The following HDAC7 variants were observed in gnomAD, a reference collection of about 807,000 sequenced individuals.
The protein encoded by HDAC7 is histone deacetylase 7A.
In HDAC7, 26 loss-of-function variants were observed where a neutral mutation model predicts 115.5. That is an observed-to-expected ratio of 0.23 (90% CI 0.16 to 0.31). The LOEUF is 0.31. HDAC7 is among the 10% of genes least tolerant of loss of function. The probability of loss-of-function intolerance (pLI) is 1.00; values close to 1 mark genes in which losing one functional copy is unlikely to be tolerated. For missense variants in HDAC7, 1,068 were observed against 1,329.0 expected (o/e 0.80, Z 3.05); for synonymous variants, 564 against 550.9 (o/e 1.02, Z -0.33).
chr12:47,802,361 C>G (rs1944209827), intron 1 of HDAC7, 87 bp from the exon 2 acceptor site: 5 of 1,535,044 alleles, frequency 3.3e-6, no homozygotes, highest in Non-Finnish European at 4.4e-6. Context: ...CAGGCCTGCT[C>G]CCTGCCACTC....
chr12:47,802,431 C>T (rs772442403), intron 1 of HDAC7, 157 bp from the exon 2 acceptor site: 71 of 1,547,646 alleles, frequency 4.6e-5, no homozygotes, highest in Non-Finnish European at 6.1e-5. Flanking sequence ...ACGAGAAGAC[C>T]CCACCCCATT....
intron 23 of HDAC7, 126 bp downstream of exon 23, chr12:47,785,626 G>A (rs570154637): frequency 7.9e-6 from 11 of 1,384,640 alleles, no homozygotes; most frequent in East Asian, 2.5e-5. Context: ...CTTCCGCTTC[G>A]CCTACCTTGT....
chr12:47,804,680 C>G (rs1436173124), intron 1 of HDAC7, among the ~76,000 whole-genome samples: 1 of 152,152 alleles, frequency 6.6e-6, no homozygotes, highest in East Asian at 1.9e-4. Flanking sequence ...GACTTAAGAA[C>G]AGTTTACTTG....
chr12:47,814,318 T>G (rs1207420956), intron 1 of HDAC7, among the ~76,000 whole-genome samples: 1 of 152,192 alleles, frequency 6.6e-6, no homozygotes, highest in African/African-American at 2.4e-5. Flanking sequence ...CCAGGTCCCC[T>G]CTAGGCCTTG....
chr12:47,792,614 G>A (rs780579394), intron 13 of HDAC7: 11 of 455,654 alleles, frequency 2.4e-5, no homozygotes, highest in South Asian at 7.7e-5. Flanking sequence ...GGACACCAAC[G>A]ACTCTCAAAA....
chr12:47,809,490 T>C (rs1222066830), intron 1 of HDAC7, among the ~76,000 whole-genome samples: 1 of 152,220 alleles, frequency 6.6e-6, no homozygotes, highest in Non-Finnish European at 1.5e-5. Flanking sequence ...AACAATCATG[T>C]GTTAATGCTT....
chr12:47,794,442 T>C (rs1943695635), intron 12 of HDAC7, among the ~76,000 whole-genome samples: 1 of 152,320 alleles, frequency 6.6e-6, no homozygotes, highest in East Asian at 1.9e-4. Context: ...TAGCCACCTT[T>C]CTGGATAGAG....
intron 16 of HDAC7, chr12:47,790,872 G>A (rs1212574527): frequency 1.0e-5 from 3 of 285,990 alleles, no homozygotes; most frequent in African/African-American, 6.8e-5. Flanking sequence ...CAAGGTCTGG[G>A]GACCAGGCTG....
At chr12:47,789,402 C>T in intron 18 of HDAC7, 54 bp from the exon 19 acceptor site, 3 of 1,581,830 alleles carry the variant, frequency 1.9e-6, no homozygotes, top group Non-Finnish European at 2.6e-6. Flanking sequence ...CCCTCACCTC[C>T]CCAGGCCCCT....
At position 47,797,543 on chromosome 12, in the gene HDAC7, T is replaced by TGCACGGGCACTGCCCTGA. The variant is rs749663703; in HGVS notation, c.462-62_462-45dup. 1 of 1,458,054 alleles carries TGCACGGGCACTGCCCTGA rather than the reference T, an allele frequency of 6.9e-7. No homozygotes were observed. The allele number at this position is 1,458,054 out of a possible 1,614,324, so 90.3% of individuals were successfully genotyped here. On this transcript the variant is annotated intron_variant, in intron 5 of 25. Coordinates refer to ENST00000080059, the MANE Select transcript of HDAC7 (RefSeq NM_015401.5). This position sits in a 1 kb window ranked among gnomAD's most constrained non-coding sequence, Gnocchi z 5.5. ...GGCTGCTTCAGAGGTGTGGGGACACTGCACGGGCACTGCCCTGAGCACGGG... is the reference window on the plus strand; with the variant it reads ...GGCTGCTTCAGAGGTGTGGGGACACTGCACGGGCACTGCCCTGAGCACGGGCACTGCCCTGAGCACGGG...
Position 47,795,046 on chromosome 12 carries a change from C to A in HDAC7, c.1285-113G>T. The A allele has an allele frequency of 1.5e-6, 2 of 1,332,748 alleles. No individual in the cohort carries two copies. The highest frequency in any genetic ancestry group is 2.1e-5 in the Admixed American group (1 of 48,764). The allele number at this position is 1,332,748 out of a possible 1,614,324, so 82.6% of individuals were successfully genotyped here. ...TCTTGCTAGGACTCCAGCTGCCATG[C>A]AGCTCTGGGCCCCAAGAAGCCACAT... is the stretch of plus-strand genomic sequence containing the variant. On this transcript the variant is annotated intron_variant, in intron 11 of 25. Coordinates refer to ENST00000080059, the MANE Select transcript of HDAC7 (RefSeq NM_015401.5). The surrounding 1 kb of genome is among the most constrained non-coding windows in gnomAD (Gnocchi z 4.3).
intron 24 of HDAC7, chr12:47,784,436 A>G: frequency 1.6e-6 from 1 of 609,260 alleles, no homozygotes; most frequent in Non-Finnish European, 2.9e-6. Flanking sequence ...CATGGCTGTG[A>G]GGGAGTCCTA....
At position 47,797,010 on chromosome 12, in the gene HDAC7, C is replaced by T; in HGVS notation, c.703+7G>A. 6.5e-7 allele frequency: 1 copy of T among 1,537,640 alleles called. No individual in the cohort carries two copies. On this transcript the variant is annotated splice_region_variant and intron_variant, in intron 7 of 25. Transcript: ENST00000080059. This position sits in a 1 kb window ranked among gnomAD's most constrained non-coding sequence, Gnocchi z 5.5. ...ATGGCAACCGCACTGGCTCAGCCGG[C>T]CCTCACCTCCGAGGGTCTCTGCGGG...
chr12:47,786,474 G>C, intron 22 of HDAC7, 111 bp downstream of exon 22: 1 of 746,226 alleles, frequency 1.3e-6, no homozygotes, highest in Admixed American at 2.1e-5. Context: ...CAGGCTGAAA[G>C]CCCTGGGCTG....
In HDAC7 at chr12:47,795,657, G is replaced by A; in HGVS notation, c.1017C>T (p.Gly339=). 6.4e-7 allele frequency: 1 copy of A among 1,553,784 alleles called. No individual in the cohort carries two copies. The highest frequency in any genetic ancestry group is 8.7e-7 in the Non-Finnish European group (1 of 1,148,528). ...LPHGLEPEAG[G]TLPSRLQPIL... ...TGGGCTGCAGGCGAGAGGGCAAGGT[G>A]CCCCCAGCCTCGGGCTCCAAGCCAT... Residue 339 remains glycine (G), a synonymous_variant, in exon 10 of 26, where the codon GGC becomes GGT. Coordinates refer to ENST00000080059, the MANE Select transcript of HDAC7 (RefSeq NM_015401.5). This position sits in a 1 kb window ranked among gnomAD's most constrained non-coding sequence, Gnocchi z 4.3.
At position 47,798,501 on chromosome 12, in the gene HDAC7, C is replaced by G; in HGVS notation, c.349+61G>C. The G allele has an allele frequency of 6.7e-7, 1 of 1,490,418 alleles. No individual in the cohort carries two copies. The highest frequency in any genetic ancestry group is 9.3e-7 in the Non-Finnish European group (1 of 1,072,838). The allele number at this position is 1,490,418 out of a possible 1,614,324, so 92.3% of individuals were successfully genotyped here. On this transcript the variant is annotated intron_variant, in intron 4 of 25. Transcript: ENST00000080059. The surrounding 1 kb of genome is among the most constrained non-coding windows in gnomAD (Gnocchi z 4.3). ...CCCACCTCACCCCTCACAAGCCACACAGGCAGCCGCAGGCACCTGGCTGGT... is the reference window on the plus strand; with the variant it reads ...CCCACCTCACCCCTCACAAGCCACAGAGGCAGCCGCAGGCACCTGGCTGGT...
chr12:47,783,815 G>T lies in HDAC7; in HGVS notation c.*26C>A, dbSNP rs1358858362. The T allele has an allele frequency of 1.0e-5, 16 of 1,607,652 alleles. No individual in the cohort carries two copies. Among genetic ancestry groups the T allele is most frequent in the Non-Finnish European group, 1.4e-5 (16 of 1,177,670 alleles). On this transcript the variant is annotated 3_prime_UTR_variant, in exon 26 of 26. Transcript: ENST00000080059. ...AAGAGAACCAGGTCCCAAGGGCATG[G>T]TGGGCGGGCAGATGGTTCCAGAGCC...
At chr12:47,785,145 T>C (rs924481778) in intron 24 of HDAC7, 2 of 549,908 alleles carry the variant, frequency 3.6e-6, no homozygotes, top group Non-Finnish European at 6.4e-6. Flanking sequence ...TGGAGGCCAG[T>C]CCCTACCTTG....
At chr12:47,791,464 G>A (rs1382871862) in intron 15 of HDAC7, 122 bp downstream of exon 15, 11 of 1,418,006 alleles carry the variant, frequency 7.8e-6, no homozygotes, top group Non-Finnish European at 9.5e-6. Context: ...TTGGCAGCAA[G>A]CTGGAGTAGG....
Sources: gnomAD v4.1 joint callset for allele counts (sites outside exome capture counted in the v4.1 genomes callset) on GRCh38, gnomAD v4.1.1 for gene constraint, Gnocchi (gnomAD v3.1) non-coding constraint, MANE v1.5 for transcripts, NCBI Gene and HGNC (gene_info 2026-07-23, HGNC 2026-07-21) for gene names.